Variants in ADAMTS17 observed in about 807,000 individuals in gnomAD.
The protein encoded by ADAMTS17 is A disintegrin and metalloproteinase with thrombospondin motifs 17.
Under a neutral mutation model 141.5 loss-of-function variants are expected in ADAMTS17, and 113 were observed. The observed-to-expected ratio is 0.80, with a 90% CI of 0.69 to 0.93. The LOEUF is 0.93. Ranked by LOEUF, ADAMTS17 falls within the 40% of genes least tolerant of loss-of-function variation. The pLI is 0.00. For missense variants in ADAMTS17, 1,659 were observed against 1,517.9 expected (o/e 1.09, Z -1.54); for synonymous variants, 768 against 630.6 (o/e 1.22, Z -3.27).
chr15:99,994,527 G>A (rs1173367090), intron 19 of ADAMTS17, among the ~76,000 whole-genome samples: 1 of 151,170 alleles, frequency 6.6e-6, no homozygotes, highest in Non-Finnish European at 1.5e-5. Flanking sequence ...CCTGATATTT[G>A]TTATTAACAT....
At chr15:100,281,522 G>A (rs1046771612) in intron 3 of ADAMTS17, 121 bp from the exon 4 acceptor site, 1 of 1,296,456 alleles carries the variant, frequency 7.7e-7, no homozygotes, top group Non-Finnish European at 1.1e-6. Flanking sequence ...GCCTAGAGGG[G>A]CCCAGCACCC....
intron 8 of ADAMTS17, among the ~76,000 whole-genome samples, chr15:100,156,066 G>A (rs960675882): frequency 2.0e-5 from 3 of 152,086 alleles, no homozygotes; most frequent in Admixed American, 6.5e-5. Context: ...GTGGAACAAC[G>A]ACAACAAAAA....
intron 12 of ADAMTS17, among the ~76,000 whole-genome samples, chr15:100,119,598 T>C (rs752184147): frequency 1.3e-5 from 2 of 152,130 alleles, no homozygotes; most frequent in Non-Finnish European, 2.9e-5. Context: ...CACACAACAA[T>C]TACCTTCACC....
chr15:100,198,537 T>A (rs182401739), intron 8 of ADAMTS17, among the ~76,000 whole-genome samples: 1 of 152,366 alleles, frequency 6.6e-6, no homozygotes, highest in East Asian at 1.9e-4. Flanking sequence ...CTGTTTGGCA[T>A]GCTCTGGCCT....
chr15:100,223,528 G>A (rs1010982274), intron 7 of ADAMTS17, among the ~76,000 whole-genome samples: 18 of 152,038 alleles, frequency 1.2e-4, no homozygotes, highest in African/African-American at 3.1e-4. Context: ...CAGGAAGCCA[G>A]GAGCAGGGCA....
At chr15:100,130,469 A>T (rs1454682932) in intron 12 of ADAMTS17, among the ~76,000 whole-genome samples, 1 of 152,214 alleles carries the variant, frequency 6.6e-6, no homozygotes, top group Admixed American at 6.5e-5. Context: ...TTAATACATA[A>T]TGCCAATTCT....
At chr15:100,035,986 G>C (rs1006293054) in intron 18 of ADAMTS17, among the ~76,000 whole-genome samples, 1 of 152,214 alleles carries the variant, frequency 6.6e-6, no homozygotes, top group Non-Finnish European at 1.5e-5. Flanking sequence ...GAGAAGCACA[G>C]AGAACATGGG....
intron 12 of ADAMTS17, among the ~76,000 whole-genome samples, chr15:100,125,430 C>G (rs1018216669): frequency 2.0e-5 from 3 of 152,234 alleles, no homozygotes; most frequent in African/African-American, 4.8e-5. Context: ...AGCCGTCCTC[C>G]CGCCGTCTTA....
intron 2 of ADAMTS17, among the ~76,000 whole-genome samples, chr15:100,340,131 C>A (rs1310912774): frequency 6.6e-6 from 1 of 152,272 alleles, no homozygotes; most frequent in Non-Finnish European, 1.5e-5. Context: ...TACCAAGCTT[C>A]GCTGGGGGCA....
Position 100,063,636 on chromosome 15 carries a change from A to C in ADAMTS17, c.2138-9582T>G, listed in dbSNP as rs376232040. On this transcript the variant is annotated intron_variant, in intron 15 of 21. Coordinates refer to ENST00000268070, the MANE Select transcript of ADAMTS17 (RefSeq NM_139057.4). ...TTTACCAGACTGATCATCAAAATCG[A>C]TTCTCAACACATAAATGGTGAGTCA... 38 of 1,286,766 alleles carry C rather than the reference A, an allele frequency of 3.0e-5. 1 individual carries two copies. The Admixed American group carries it at 3.2e-4, about 11-fold the overall frequency. The allele number at this position is 1,286,766 out of a possible 1,614,324, so 79.7% of individuals were successfully genotyped here.
intron 13 of ADAMTS17, among the ~76,000 whole-genome samples, chr15:100,111,865 G>T (rs867547373): frequency 6.6e-6 from 1 of 152,198 alleles, no homozygotes; most frequent in Non-Finnish European, 1.5e-5. Flanking sequence ...GGAAGTGCTC[G>T]ACTGTCTTCA....
intron 3 of ADAMTS17, among the ~76,000 whole-genome samples, chr15:100,321,261 C>G (rs75254347): frequency 6.6e-6 from 1 of 151,528 alleles, no homozygotes; most frequent in African/African-American, 2.4e-5. Context: ...AAAAGTTGGT[C>G]AAGCCAATAG....
At chr15:100,276,580 G>C (rs913149077) in intron 4 of ADAMTS17, among the ~76,000 whole-genome samples, 6 of 151,940 alleles carry the variant, frequency 3.9e-5, no homozygotes, top group African/African-American at 1.2e-4. Flanking sequence ...ACAACTCGGA[G>C]AGAAATGTGT....
intron 12 of ADAMTS17, among the ~76,000 whole-genome samples, chr15:100,131,673 G>A (rs778518930): frequency 1.3e-5 from 2 of 152,314 alleles, no homozygotes; most frequent in African/African-American, 2.4e-5. Flanking sequence ...GACAGCCAGT[G>A]TGGAATGACC....
At chr15:100,162,194 TG>T (rs966760498) in intron 8 of ADAMTS17, among the ~76,000 whole-genome samples, 28 of 152,020 alleles carry the variant, frequency 1.8e-4, no homozygotes, top group Non-Finnish European at 4.4e-5. Flanking sequence ...AGGACTGAAG[TG>T]ACAAGCAAGT....
chr15:100,199,389 C>T lies in ADAMTS17; in HGVS notation c.1110G>A (p.Lys370=). 1 of 1,614,226 alleles carries T rather than the reference C, an allele frequency of 6.2e-7. No individual in the cohort carries two copies. Among genetic ancestry groups the T allele is most frequent in the African/African-American group, 1.3e-5 (1 of 75,066 alleles). The part of the protein sequence containing the change: ...IAYLGGVCSA[K]RKCVLAEDNG... ...TGTCTTCGGCAAGCACACACTTCCT[C>T]TTAGCACTGCACACACCTCCTAAGT... Residue 370 remains lysine (K), a synonymous_variant, in exon 8 of 22, where the codon AAG becomes AAA. Coordinates refer to ENST00000268070, the MANE Select transcript of ADAMTS17 (RefSeq NM_139057.4).
rs75482748 is a variant in ADAMTS17, at chr15:99,974,050, C to T, written c.*352G>A. Reference sequence around the variant, plus strand: ...GATGTTTCCTCCATGATATACCAAGCACTGGAAATTCAAATGTCAAAAGCG... The same window carrying T: ...GATGTTTCCTCCATGATATACCAAGTACTGGAAATTCAAATGTCAAAAGCG... On this transcript the variant is annotated 3_prime_UTR_variant, in exon 22 of 22. Transcript: ENST00000268070. 1.5e-3 allele frequency: 564 copies of T among 376,158 alleles called. 3 individuals are homozygous for T. Among genetic ancestry groups the T allele is most frequent in the African/African-American group, 0.01 (500 of 47,904 alleles). The allele number at this position is 376,158 out of a possible 1,614,324, so 23.3% of individuals were successfully genotyped here.
At chr15:100,153,251 G>A (rs983901725) in intron 9 of ADAMTS17, among the ~76,000 whole-genome samples, 7 of 152,084 alleles carry the variant, frequency 4.6e-5, no homozygotes, top group African/African-American at 1.7e-4. Flanking sequence ...ACTTGACCAC[G>A]CTATCCCTGA....
In ADAMTS17 at chr15:100,144,407, G is replaced by A. The variant is rs985660002; in HGVS notation, c.1473+8205C>T. Among the ~76,000 whole-genome samples, 7 of 152,208 alleles carry A rather than the reference G, an allele frequency of 4.6e-5. No homozygotes were observed. In the South Asian group the frequency reaches 6.2e-4, roughly 14 times the overall value. On this transcript the variant is annotated intron_variant, in intron 10 of 21. Coordinates refer to ENST00000268070, the MANE Select transcript of ADAMTS17 (RefSeq NM_139057.4). ...TCTACTAAAAATACAAAAATTAGCCGGGCGTGGTGGAAGGCACCTGTAATC... is the reference window on the plus strand; with the variant it reads ...TCTACTAAAAATACAAAAATTAGCCAGGCGTGGTGGAAGGCACCTGTAATC...
Sources: allele counts gnomAD v4.1 joint callset (sites outside exome capture counted in the v4.1 genomes callset), GRCh38; gene constraint gnomAD v4.1.1; transcripts MANE v1.5; gene names NCBI Gene and HGNC (gene_info 2026-07-23, HGNC 2026-07-21).